BUD13: variants seen among roughly 807,000 people sequenced by gnomAD.
The protein encoded by BUD13 is BUD13 spliceosome associated protein.
In BUD13, 47 loss-of-function variants were observed where a neutral mutation model predicts 62.5. The observed-to-expected ratio is 0.75, with a 90% CI of 0.60 to 0.96. The LOEUF (loss-of-function observed/expected upper bound fraction) is 0.96. Among genes scored for constraint, BUD13 ranks in the 40% least tolerant of loss-of-function variants. The probability of loss-of-function intolerance (pLI) is 0.00; values close to 1 mark genes in which losing one functional copy is unlikely to be tolerated. For synonymous variants in BUD13, 293 were observed against 280.1 expected, an observed-to-expected ratio of 1.05 and a Z score of -0.46; for missense variants, 821 against 790.9, an observed-to-expected ratio of 1.04 and a Z score of -0.46.
chr11:116,772,900 G>T lies in BUD13; in HGVS notation c.65C>A (p.Ala22Asp). The T allele has an allele frequency of 6.3e-7, 1 of 1,589,870 alleles. No individual in the cohort carries two copies. The highest frequency in any genetic ancestry group is 8.6e-7 in the Non-Finnish European group (1 of 1,168,982). Residue 22 changes from alanine (A) to aspartate (D), a missense_variant, in exon 1 of 10, where the codon GCC becomes GAC. Physicochemically the swap from Ala to Asp is moderately radical, Grantham distance 126. Transcript: ENST00000260210. ...GGACTCAGATCCCCGGTCGACGCCG[G>T]CATCTGCCCCGGACAAGTAACGCTT... is the stretch of plus-strand genomic sequence containing the variant. The part of the protein sequence containing the change: ...YLKRYLSGAD[A>D]GVDRGSESGR...
chr11:116,755,441 A>T (rs1326718972), intron 9 of BUD13, among the ~76,000 whole-genome samples: 1 of 152,216 alleles, frequency 6.6e-6, no homozygotes, highest in Non-Finnish European at 1.5e-5. Flanking sequence ...GCATGGGTAA[A>T]AGATCCACTC....
chr11:116,765,570 G>A, intron 2 of BUD13, 124 bp from the exon 3 acceptor site: 1 of 947,610 alleles, frequency 1.1e-6, no homozygotes, highest in Non-Finnish European at 1.6e-6. Flanking sequence ...TATCCAAAAT[G>A]GTCATGAAGA....
chr11:116,759,138 T>C lies in BUD13; in HGVS notation c.1296A>G (p.Leu432=), dbSNP rs1225820600. ...CCTGCTGTTCTCGCTGTATGTCAGT[T>C]AACACCAACCCAGTTTTAGCCCCAG... ...MYSGAKTGLV[L]TDIQREQQEL... The change falls in exon 6 of 10, where the codon TTA becomes TTG. Residue 432 remains leucine, a synonymous_variant. Transcript: ENST00000260210. 1.4e-5 allele frequency: 23 copies of C among 1,614,050 alleles called. No individual in the cohort carries two copies. Among genetic ancestry groups the C allele is most frequent in the Non-Finnish European group, 1.9e-5 (22 of 1,180,026 alleles).
Position 116,772,891 on chromosome 11 carries a change from T to C in BUD13, c.74A>G (p.Asp25Gly), listed in dbSNP as rs745990072. 2 of 1,589,972 alleles carry C rather than the reference T, an allele frequency of 1.3e-6. No individual in the cohort carries two copies. Among genetic ancestry groups the C allele is most frequent in the Non-Finnish European group, 1.7e-6 (2 of 1,169,122 alleles). Reference sequence around the variant, plus strand: ...CTTGCGACCGGACTCAGATCCCCGGTCGACGCCGGCATCTGCCCCGGACAA... The same window carrying C: ...CTTGCGACCGGACTCAGATCCCCGGCCGACGCCGGCATCTGCCCCGGACAA... ...RYLSGADAGV[D>G]RGSESGRKRR... Residue 25 changes from aspartate to glycine, a missense_variant, in exon 1 of 10, where the codon GAC becomes GGC. By Grantham distance (94) the Asp-to-Gly change is moderately conservative. This residue lies in a region of BUD13 where 800 missense variants were observed against 739.2 expected (regional missense o/e 1.08). Transcript: ENST00000260210.
intron 8 of BUD13, 27 bp downstream of exon 8, chr11:116,757,739 C>A (rs878876871): frequency 1.9e-6 from 3 of 1,596,466 alleles, no homozygotes; most frequent in South Asian, 1.1e-5. Flanking sequence ...CAAGTCACCT[C>A]CAGCTGATGA....
intron 9 of BUD13, 85 bp from the exon 10 acceptor site, chr11:116,748,660 T>C: frequency 7.6e-7 from 1 of 1,321,110 alleles, no homozygotes. Context: ...CACAATATAA[T>C]GAAAAGGGGG....
At chr11:116,768,221 A>G (rs1940565543) in intron 2 of BUD13, among the ~76,000 whole-genome samples, 1 of 152,184 alleles carries the variant, frequency 6.6e-6, no homozygotes, top group Non-Finnish European at 1.5e-5. Flanking sequence ...ATGATATTTT[A>G]TAAGTGGAAA....
chr11:116,752,940 T>C (rs772228385), intron 9 of BUD13, among the ~76,000 whole-genome samples: 14 of 152,182 alleles, frequency 9.2e-5, no homozygotes, highest in Non-Finnish European at 1.8e-4. Context: ...TGTTGGATTT[T>C]GACGGCACCC....
intron 9 of BUD13, among the ~76,000 whole-genome samples, chr11:116,756,916 C>A (rs1940335983): frequency 6.6e-6 from 1 of 152,158 alleles, no homozygotes. Context: ...TTATCTGAAC[C>A]ACCTGAGGTG....
Position 116,765,453 on chromosome 11 carries a change from G to A in BUD13, c.238-7C>T. On this transcript the variant is annotated splice_region_variant and splice_polypyrimidine_tract_variant and intron_variant, in intron 2 of 9. Transcript: ENST00000260210. ...CATCCACAAACTCTGCCACCTGTGA[G>A]AGTAAAGATTTCCTATCTTAGGAAA... The A allele has an allele frequency of 6.2e-7, 1 of 1,614,062 alleles. No homozygotes were observed.
intron 6 of BUD13, among the ~76,000 whole-genome samples, chr11:116,758,817 A>G (rs755472181): frequency 4.6e-5 from 7 of 151,684 alleles, no homozygotes; most frequent in Non-Finnish European, 7.4e-5. Flanking sequence ...GTCTTGAACT[A>G]CAGACCTCAG....
At chr11:116,769,034 G>A (rs192412110) in intron 2 of BUD13, among the ~76,000 whole-genome samples, 215 of 132,300 alleles carry the variant, frequency 1.6e-3, no homozygotes, top group Middle Eastern at 0.012. Flanking sequence ...AAAAAAAAAA[G>A]AATTTTGCTG....
chr11:116,765,195 A>G (rs1352353326), intron 3 of BUD13, among the ~76,000 whole-genome samples, 167 bp downstream of exon 3: 4 of 152,194 alleles, frequency 2.6e-5, no homozygotes, highest in African/African-American at 9.7e-5. Flanking sequence ...ATAAGTTCCT[A>G]TGTCTTACTA....
At position 116,767,453 on chromosome 11, in the gene BUD13, C is replaced by T. The variant is rs560391047; in HGVS notation, c.238-2007G>A. 5.9e-5 allele frequency among the ~76,000 whole-genome samples: 9 copies of T among 151,616 alleles called. No individual in the cohort carries two copies. In the South Asian group the frequency reaches 1.9e-3, roughly 32 times the overall value. ...CTAAAAATACAAAAAATTAGCCAGGCATGGTGGCAGGTGCCTGTAGTCCCA... is the reference window on the plus strand; with the variant it reads ...CTAAAAATACAAAAAATTAGCCAGGTATGGTGGCAGGTGCCTGTAGTCCCA... On this transcript the variant is annotated intron_variant, in intron 2 of 9. Transcript: ENST00000260210.
Position 116,748,445 on chromosome 11 carries a change from C to G in BUD13, c.*37G>C, listed in dbSNP as rs1940177256. 1 of 1,590,656 alleles carries G rather than the reference C, an allele frequency of 6.3e-7. No individual in the cohort carries two copies. The highest frequency in any genetic ancestry group is 1.3e-5 in the African/African-American group (1 of 74,484). ...CTGGATATCTCGCTGCCTATGCCCA[C>G]TACCACAGCCCAGCCACCCCCACAG... is the stretch of plus-strand genomic sequence containing the variant. On this transcript the variant is annotated 3_prime_UTR_variant, in exon 10 of 10. Transcript: ENST00000260210.
intron 9 of BUD13, among the ~76,000 whole-genome samples, chr11:116,753,534 CAA>C (rs1940276735): frequency 6.6e-6 from 1 of 152,280 alleles, no homozygotes; most frequent in African/African-American, 2.4e-5. Flanking sequence ...TAACAGAACT[CAA>C]AGTCTCTACA....
intron 9 of BUD13, among the ~76,000 whole-genome samples, chr11:116,756,686 C>T (rs1162976077): frequency 2.0e-5 from 3 of 152,104 alleles, no homozygotes; most frequent in East Asian, 1.9e-4. Context: ...AGTTAGAGTA[C>T]GTGGGTACAG....
intron 4 of BUD13, among the ~76,000 whole-genome samples, chr11:116,761,385 AAG>A (rs1940429812): frequency 6.6e-6 from 1 of 151,576 alleles, no homozygotes; most frequent in Non-Finnish European, 1.5e-5. Flanking sequence ...AGAATCTAAA[AAG>A]ATAACTTACC....
intron 9 of BUD13, among the ~76,000 whole-genome samples, chr11:116,749,728 G>A (rs1200405882): frequency 6.6e-6 from 1 of 152,190 alleles, no homozygotes; most frequent in Non-Finnish European, 1.5e-5. Context: ...CAGAAACGAT[G>A]GGTTTAAAGC....
Sources: allele counts gnomAD v4.1 joint callset (sites outside exome capture counted in the v4.1 genomes callset), GRCh38; gene constraint gnomAD v4.1.1; regional missense constraint gnomAD v4.1.1; transcripts MANE v1.5; gene names NCBI Gene and HGNC (gene_info 2026-07-23, HGNC 2026-07-21).